RAD9B: variants seen among roughly 807,000 people sequenced by gnomAD.
RAD9B encodes the protein RAD9 checkpoint clamp component B, also known as cell cycle checkpoint control protein RAD9B.
In RAD9B, 41 loss-of-function variants were observed where a neutral mutation model predicts 48.3. The ratio of observed to expected loss-of-function variants is 0.85; its 90% CI spans 0.66 to 1.10. The LOEUF (loss-of-function observed/expected upper bound fraction) is 1.10, where lower values mean the gene tolerates loss of function less well. Ranked by LOEUF, RAD9B falls within the 50% of genes least tolerant of loss-of-function variation. RAD9B has a pLI of 0.00. For synonymous variants in RAD9B, 160 were observed against 157.9 expected, an observed-to-expected ratio of 1.01 and a Z score of -0.10; for missense variants, 444 against 485.1, an observed-to-expected ratio of 0.92 and a Z score of 0.80.
intron 10 of RAD9B, among the ~76,000 whole-genome samples, chr12:110,528,686 A>AT (rs2064023374): frequency 6.6e-6 from 1 of 152,226 alleles, no homozygotes; most frequent in African/African-American, 2.4e-5. Context: ...TCTGTTGACC[A>AT]TAAGTTTCTG....
intron 4 of RAD9B, among the ~76,000 whole-genome samples, chr12:110,509,363 C>T (rs987615644): frequency 1.3e-5 from 2 of 152,054 alleles, no homozygotes; most frequent in African/African-American, 4.8e-5. Flanking sequence ...GCCTCAGCCT[C>T]CCAAGTGCTG....
intron 4 of RAD9B, 91 bp from the exon 5 acceptor site, chr12:110,512,688 T>C (rs2063494978): frequency 2.4e-5 from 15 of 623,264 alleles, no homozygotes; most frequent in South Asian, 1.5e-4. Context: ...TGTTACTTTA[T>C]TACTTTAATT....
intron 10 of RAD9B, among the ~76,000 whole-genome samples, chr12:110,526,164 T>C (rs1278064801): frequency 6.6e-6 from 1 of 152,054 alleles, no homozygotes; most frequent in Non-Finnish European, 1.5e-5. Flanking sequence ...AAGTTTAAAC[T>C]AGAAGTTATA....
rs546629172 is a variant in RAD9B at position 110,524,668 on chromosome 12, G to A, written c.1125+2257G>A. Among the ~76,000 whole-genome samples the A allele has an allele frequency of 3.9e-5, 6 of 152,096 alleles. No homozygotes were observed. In the South Asian group the frequency reaches 1.2e-3, roughly 32 times the overall value. ...TGTAATCCCAGCATTTTGGGAGGCCGAGGTGGGCAGATCACAAGGTCAAGA... is the reference window on the plus strand; with the variant it reads ...TGTAATCCCAGCATTTTGGGAGGCCAAGGTGGGCAGATCACAAGGTCAAGA... On this transcript the variant is annotated intron_variant, in intron 10 of 10. Coordinates refer to ENST00000409300, the MANE Select transcript of RAD9B (RefSeq NM_001286535.2).
chr12:110,530,604 CA>C lies in RAD9B; in HGVS notation c.1207del (p.Ser403ValfsTer7). 1 of 1,613,938 alleles carries C rather than the reference CA, an allele frequency of 6.2e-7. No homozygotes were observed. The highest frequency in any genetic ancestry group is 8.5e-7 in the Non-Finnish European group (1 of 1,179,832). ...FNHPFDSLARASDSEEDMNNG... is the reference protein window; with the variant it reads ...FNHPFDSLARXSDSEEDMNNG... ...CACCCTTTCGACAGTCTGGCAAGAG[CA>C]AGTGACAGTGAAGAGGACATGAATA... On this transcript the variant is annotated frameshift_variant, in exon 11 of 11. Transcript: ENST00000409300. LOFTEE classifies it high-confidence loss of function.
intron 4 of RAD9B, chr12:110,511,660 C>T (rs1290251418): frequency 4.5e-6 from 1 of 221,934 alleles, no homozygotes; most frequent in Non-Finnish European, 9.8e-6. Context: ...TGTGGGGTAG[C>T]AGAGTAGGGT....
chr12:110,503,429 A>T (rs151082761), intron 1 of RAD9B: 334 of 186,202 alleles, frequency 1.8e-3, no homozygotes, highest in Non-Finnish European at 2.8e-3. Flanking sequence ...AGCTATTAAA[A>T]CCACTTCAGA....
rs182619655 is a variant in RAD9B at position 110,506,625 on chromosome 12, T to C, written c.320T>C (p.Ile107Thr). 8 of 1,605,552 alleles carry C rather than the reference T, an allele frequency of 5.0e-6. No homozygotes were observed. The highest frequency in any genetic ancestry group is 4.5e-5 in the East Asian group (2 of 44,734). Residue 107 changes from isoleucine (I) to threonine (T), a missense_variant, in exon 4 of 11, where the codon ATA becomes ACA. By Grantham distance (89) the Ile-to-Thr change is moderately conservative (BLOSUM62 -1). Transcript: ENST00000409300. Reference sequence around the variant, plus strand: ...TGTCTGAATTCCCTTGAAAGAAATATAGAGAAGTGCAGAATATTCACCAGA... The same window carrying C: ...TGTCTGAATTCCCTTGAAAGAAATACAGAGAAGTGCAGAATATTCACCAGA... The part of the protein sequence containing the change: ...FRCLNSLERN[I>T]EKCRIFTRSD...
chr12:110,530,184 A>G (rs924836740), intron 10 of RAD9B, among the ~76,000 whole-genome samples: 36 of 152,138 alleles, frequency 2.4e-4, no homozygotes, highest in Non-Finnish European at 4.4e-4. Flanking sequence ...CTAGGACTAC[A>G]GGTGTCCGCC....
At chr12:110,512,092 G>A (rs530926823) in intron 4 of RAD9B, among the ~76,000 whole-genome samples, 7 of 151,258 alleles carry the variant, frequency 4.6e-5, no homozygotes, top group South Asian at 4.2e-4. Context: ...TGATCCGCCC[G>A]CCTCAGCCTC....
intron 10 of RAD9B, among the ~76,000 whole-genome samples, chr12:110,524,353 G>T (rs2063870987): frequency 1.3e-5 from 2 of 152,046 alleles, no homozygotes; most frequent in South Asian, 4.2e-4. Flanking sequence ...ACGAGGTCAG[G>T]AGTTCAAGAC....
Position 110,514,950 on chromosome 12 carries a change from ATTAT to A in RAD9B, c.489-93_489-90del, listed in dbSNP as rs910870640. The A allele has an allele frequency of 1.2e-4, 82 of 696,582 alleles. 1 individual carries two copies. The African/African-American group carries it at 1.3e-3, about 11-fold the overall frequency. The allele number at this position is 696,582 out of a possible 1,614,324, so 43.2% of individuals were successfully genotyped here. On this transcript the variant is annotated intron_variant, in intron 5 of 10. Coordinates refer to ENST00000409300, the MANE Select transcript of RAD9B (RefSeq NM_001286535.2). ...AATTTTTCTAAACCCAGGCCAAGTAATTATTTATTTCCAGATTAGAGATTTGAGT... is the reference window on the plus strand; with the variant it reads ...AATTTTTCTAAACCCAGGCCAAGTAATTATTTCCAGATTAGAGATTTGAGT...
Position 110,506,605 on chromosome 12 carries a change from G to A in RAD9B, c.300G>A (p.Leu100=). The change falls in exon 4 of 11, where the codon CTG becomes CTA. Residue 100 remains leucine (L), a synonymous_variant. Transcript: ENST00000409300. ...CAATTTTGCCCATCTTTAGATGTCT[G>A]AATTCCCTTGAAAGAAATATAGAGA... ...MKSILPIFRC[L]NSLERNIEKC... 6.3e-7 allele frequency: 1 copy of A among 1,596,058 alleles called. No individual in the cohort carries two copies.
At chr12:110,525,285 C>G (rs2135727884) in intron 10 of RAD9B, among the ~76,000 whole-genome samples, 1 of 152,044 alleles carries the variant, frequency 6.6e-6, no homozygotes, top group South Asian at 2.1e-4. Flanking sequence ...GCCACTGTGT[C>G]TGGCCAGTTT....
intron 9 of RAD9B, among the ~76,000 whole-genome samples, chr12:110,521,890 A>G (rs1430219105): frequency 2.0e-5 from 3 of 152,116 alleles, no homozygotes; most frequent in African/African-American, 4.8e-5. Flanking sequence ...ACACAATTTT[A>G]TCATATAGAT....
intron 1 of RAD9B, chr12:110,503,105 C>T (rs2063141588): frequency 6.6e-6 from 1 of 152,326 alleles, no homozygotes; most frequent in Non-Finnish European, 1.5e-5. Context: ...ATTAGCCGGG[C>T]TTAGTGGTGG....
chr12:110,522,134 C>T (rs1328120412), intron 9 of RAD9B, 43 bp from the exon 10 acceptor site: 2 of 1,266,426 alleles, frequency 1.6e-6, no homozygotes, highest in South Asian at 1.4e-5. Context: ...AAATATATTT[C>T]ACAATAAACA....
intron 4 of RAD9B, 65 bp downstream of exon 4, chr12:110,506,758 C>T (rs2063285663): frequency 1.3e-6 from 1 of 781,492 alleles, no homozygotes; most frequent in South Asian, 1.5e-5. Flanking sequence ...ATGTTTAGAA[C>T]ATTGATATTT....
Position 110,532,367 on chromosome 12 carries a change from G to T in RAD9B, c.*1714G>T, listed in dbSNP as rs757306048. On this transcript the variant is annotated 3_prime_UTR_variant, in exon 11 of 11. Transcript: ENST00000409300. ...AGGCAGAGGGGTTTAGGTCTTAAAG[G>T]CATCATCATCAGTAATAGCCTGGAT... Among the ~76,000 whole-genome samples, 3 of 152,280 alleles carry T rather than the reference G, an allele frequency of 2.0e-5. No homozygotes were observed. The East Asian group carries it at 5.8e-4, about 29-fold the overall frequency.
Sources: allele counts gnomAD v4.1 joint callset (sites outside exome capture counted in the v4.1 genomes callset), GRCh38; gene constraint gnomAD v4.1.1; transcripts MANE v1.5; gene names NCBI Gene and HGNC (gene_info 2026-07-23, HGNC 2026-07-21).